PRAME: variants seen among roughly 807,000 people sequenced by gnomAD.
The protein encoded by PRAME is melanoma antigen preferentially expressed in tumors.
Under a neutral mutation model 32.1 loss-of-function variants are expected in PRAME, and 21 were observed. That is an observed-to-expected ratio of 0.65 (90% CI 0.46 to 0.94). PRAME has a LOEUF of 0.94. Ranked by LOEUF, PRAME falls within the 40% of genes least tolerant of loss-of-function variation. PRAME has a pLI of 0.00. For synonymous variants in PRAME, 274 were observed against 251.5 expected, an observed-to-expected ratio of 1.09 and a Z score of -0.85; for missense variants, 651 against 622.3, an observed-to-expected ratio of 1.05 and a Z score of -0.49.
rs1362862146 is a variant in PRAME, at chr22:22,556,852, G to T, written c.-20C>A. 2 of 1,612,812 alleles carry T rather than the reference G, an allele frequency of 1.2e-6. No homozygotes were observed. The highest frequency in any genetic ancestry group is 1.7e-5 in the Admixed American group (1 of 59,974). On this transcript the variant is annotated 5_prime_UTR_variant, in exon 3 of 6. Coordinates refer to ENST00000405655, the MANE Select transcript of PRAME (RefSeq NM_206956.3). ...TTCCATTTTGAAGCGACTTAGGCTGGCCTCAGGACCTCCAACGCTTGGATT... is the reference window on the plus strand; with the variant it reads ...TTCCATTTTGAAGCGACTTAGGCTGTCCTCAGGACCTCCAACGCTTGGATT...
chr22:22,548,340 G>A lies in PRAME; in HGVS notation c.1257C>T (p.Ser419=), dbSNP rs779833885. The change falls in exon 6 of 6, where the codon TCC becomes TCT. Residue 419 remains serine (S), a synonymous_variant. Transcript: ENST00000405655. ...GCAGGAGACTCTGCAGGGCAGATAT[G>A]GAGATGGAATTCCCGTAGAAGCTTA... ...TTLSFYGNSI[S]ISALQSLLQH... is the part of the protein sequence containing the mutation. The A allele has an allele frequency of 3.3e-5, 53 of 1,613,672 alleles. No homozygotes were observed. The Middle Eastern group carries it at 6.6e-4, about 20-fold the overall frequency.
intron 3 of PRAME, among the ~76,000 whole-genome samples, chr22:22,555,248 C>T (rs2062836896): frequency 1.3e-5 from 2 of 151,820 alleles, no homozygotes; most frequent in Non-Finnish European, 2.9e-5. Flanking sequence ...TGGGGACCCC[C>T]GAAGTATCTG....
rs1332470378 is a variant in PRAME at position 22,550,257 on chromosome 22, G to C, written c.422C>G (p.Ala141Gly). The stretch of plus-strand genomic sequence containing the variant: ...TGGCTCTGGAAATGAGTACAGACTG[G>C]CCCTGTTTCCAGACCATACAGTCCA... ...DFWTVWSGNRASLYSFPEPEA... is the reference protein window; with the variant it reads ...DFWTVWSGNRGSLYSFPEPEA... Residue 141 changes from alanine (A) to glycine (G), a missense_variant, in exon 5 of 6, where the codon GCC (alanine) becomes GGC (glycine). Physicochemically the swap from Ala to Gly is moderately conservative, Grantham distance 60. Coordinates refer to ENST00000405655, the MANE Select transcript of PRAME (RefSeq NM_206956.3). 1 of 1,613,642 alleles carries C rather than the reference G, an allele frequency of 6.2e-7. No individual in the cohort carries two copies. The highest frequency in any genetic ancestry group is 1.3e-5 in the African/African-American group (1 of 74,820).
chr22:22,547,866 T>C lies in PRAME; in HGVS notation c.*201A>G, dbSNP rs953390843. 1.1e-5 allele frequency: 7 copies of C among 611,484 alleles called. No individual in the cohort carries two copies. The highest frequency in any genetic ancestry group is 3.7e-5 in the African/African-American group (2 of 54,152). The allele number at this position is 611,484 out of a possible 1,614,324, so 37.9% of individuals were successfully genotyped here. ...CCAAAGATCACATTAACTCCTCAAGTCAACATCTGCCTACCCCCAACTTCC... is the reference window on the plus strand; with the variant it reads ...CCAAAGATCACATTAACTCCTCAAGCCAACATCTGCCTACCCCCAACTTCC... On this transcript the variant is annotated 3_prime_UTR_variant, in exon 6 of 6. Transcript: ENST00000405655.
chr22:22,556,424 C>T (rs2062921512), intron 3 of PRAME, among the ~76,000 whole-genome samples: 3 of 151,634 alleles, frequency 2.0e-5, no homozygotes, highest in Non-Finnish European at 4.4e-5. Context: ...GATTCTCCTG[C>T]CTCAGCCACT....
chr22:22,557,211 C>G, intron 2 of PRAME: 1 of 269,510 alleles, frequency 3.7e-6, no homozygotes, highest in Non-Finnish European at 6.6e-6. Flanking sequence ...CCTAGGACGC[C>G]TACGCCACTG....
chr22:22,553,213 C>A (rs2062705228), intron 3 of PRAME, among the ~76,000 whole-genome samples: 1 of 151,882 alleles, frequency 6.6e-6, no homozygotes, highest in Admixed American at 6.6e-5. Context: ...AAACAATCCC[C>A]AAGTATCAAA....
chr22:22,555,582 T>C (rs1004124936), intron 3 of PRAME, among the ~76,000 whole-genome samples: 4 of 151,826 alleles, frequency 2.6e-5, no homozygotes, highest in Non-Finnish European at 4.4e-5. Flanking sequence ...TTTCCCAGAC[T>C]GGTCTTGAAC....
Position 22,554,797 on chromosome 22 carries a change from T to C in PRAME, c.21+2015A>G, listed in dbSNP as rs79772029. On this transcript the variant is annotated intron_variant, in intron 3 of 5. Transcript: ENST00000405655. ...TTAGAAAGGGCTGATAAGCTTCACATAAACCATGGAAAAACAGGAAAACTG... is the reference window on the plus strand; with the variant it reads ...TTAGAAAGGGCTGATAAGCTTCACACAAACCATGGAAAAACAGGAAAACTG... Among the ~76,000 whole-genome samples, 666 of 152,074 alleles carry C rather than the reference T, an allele frequency of 4.4e-3. 6 individuals are homozygous for C. Among genetic ancestry groups the C allele is most frequent in the African/African-American group, 0.015 (604 of 41,490 alleles).
intron 1 of PRAME, among the ~76,000 whole-genome samples, chr22:22,558,765 T>G (rs958561775): frequency 2.0e-5 from 3 of 151,384 alleles, no homozygotes; most frequent in Non-Finnish European, 4.4e-5. Flanking sequence ...GTCCTGGGTC[T>G]GTGCTTCTGG....
chr22:22,555,607 G>T (rs1276284863), intron 3 of PRAME, among the ~76,000 whole-genome samples: 1 of 151,868 alleles, frequency 6.6e-6, no homozygotes, highest in African/African-American at 2.4e-5. Flanking sequence ...GGGCTCAAGT[G>T]ATCCACCCAT....
chr22:22,553,919 C>T, intron 3 of PRAME: 4 of 985,144 alleles, frequency 4.1e-6, no homozygotes, highest in Non-Finnish European at 4.8e-6. Context: ...TCTCCAATGG[C>T]CAGCCCCTTC....
intron 2 of PRAME, 193 bp from the exon 3 acceptor site, chr22:22,557,102 G>A (rs765626835): frequency 1.1e-5 from 6 of 547,938 alleles, no homozygotes; most frequent in Non-Finnish European, 2.0e-5. Flanking sequence ...CCAGGGGGCA[G>A]GAGGAACAAC....
At chr22:22,553,769 G>A (rs1192879531) in intron 3 of PRAME, 1 of 982,574 alleles carries the variant, frequency 1.0e-6, no homozygotes. Context: ...TTGGAGCCAG[G>A]AAAGAAATAA....
chr22:22,551,313 A>G (rs969132597), intron 3 of PRAME, among the ~76,000 whole-genome samples: 1 of 151,742 alleles, frequency 6.6e-6, no homozygotes, highest in Non-Finnish European at 1.5e-5. Context: ...AGGAGGGGAC[A>G]GGACGGCCAC....
chr22:22,554,261 T>C (rs551776480), intron 3 of PRAME: 276 of 984,474 alleles, frequency 2.8e-4, no homozygotes, highest in Non-Finnish European at 3.2e-4. Context: ...CTACAATTCT[T>C]ATATTCTACT....
In PRAME at chr22:22,557,004, G is replaced by C. The variant is rs2062968064; in HGVS notation, c.-77-95C>G. 1.1e-5 allele frequency: 8 copies of C among 747,614 alleles called. No homozygotes were observed. The East Asian group carries it at 2.2e-4, about 20-fold the overall frequency. 46.3% of individuals were successfully genotyped at this position (747,614 alleles called of 1,614,324 possible). On this transcript the variant is annotated intron_variant, in intron 2 of 5. Coordinates refer to ENST00000405655, the MANE Select transcript of PRAME (RefSeq NM_206956.3). ...TGTGAAAACCTCCGCAAATACTGCTGAGGAAACTGACAACTGGCGACTCAA... is the reference window on the plus strand; with the variant it reads ...TGTGAAAACCTCCGCAAATACTGCTCAGGAAACTGACAACTGGCGACTCAA...
intron 3 of PRAME, chr22:22,555,835 C>A (rs947900835): frequency 1.7e-5 from 8 of 468,956 alleles, no homozygotes; most frequent in Non-Finnish European, 3.5e-5. Context: ...CCGACACTTA[C>A]CCCTAATGGC....
rs1343771450 is a variant in PRAME, at chr22:22,557,554, CAG to C, written c.-89_-88del. ...CAGGGCTCGAACTTACGTTTTTCCTCAGAGAGTTCACCACACCGCGAAGTTGC... is the reference window on the plus strand; with the variant it reads ...CAGGGCTCGAACTTACGTTTTTCCTCAGAGTTCACCACACCGCGAAGTTGC... On this transcript the variant is annotated 5_prime_UTR_variant, in exon 2 of 6. Coordinates refer to ENST00000405655, the MANE Select transcript of PRAME (RefSeq NM_206956.3). 6.6e-6 allele frequency: 1 copy of C among 151,056 alleles called. No homozygotes were observed. The highest frequency in any genetic ancestry group is 6.6e-5 in the Admixed American group (1 of 15,164). The allele number at this position is 151,056 out of a possible 1,614,324, so 9.4% of individuals were successfully genotyped here.
Sources: gnomAD v4.1 joint callset for allele counts (sites outside exome capture counted in the v4.1 genomes callset) on GRCh38, gnomAD v4.1.1 for gene constraint, MANE v1.5 for transcripts, NCBI Gene and HGNC (gene_info 2026-07-23, HGNC 2026-07-21) for gene names.